RYR1: variants seen among roughly 807,000 people sequenced by gnomAD.
RYR1 encodes central core disease of muscle.
In RYR1, 342 loss-of-function variants were observed where a neutral mutation model predicts 583.5. The ratio of observed to expected loss-of-function variants is 0.59; its 90% CI spans 0.54 to 0.64. RYR1 has a LOEUF of 0.64. RYR1 is among the 30% of genes least tolerant of loss of function. The pLI is 0.00. For synonymous variants in RYR1, 2,791 were observed against 2,822.5 expected (o/e 0.99, Z 0.35); for missense variants, 6,032 against 6,917.2 (o/e 0.87, Z 4.54).
intron 81 of RYR1, 25 bp downstream of exon 81, chr19:38,535,417 G>A: frequency 6.3e-7 from 1 of 1,584,408 alleles, no homozygotes; most frequent in South Asian, 1.1e-5. Context: ...ACCTCTTCTT[G>A]TTAAGCTGTG....
At position 38,468,051 on chromosome 19, in the gene RYR1, TC is replaced by T. The variant is rs1211143995; in HGVS notation, c.3381+241del. Among the ~76,000 whole-genome samples, 14,325 of 55,874 alleles carry T rather than the reference TC, an allele frequency of 0.26. 777 individuals carry two copies. The highest frequency in any genetic ancestry group is 0.43 in the East Asian group (1,110 of 2,568). 36.7% of individuals were successfully genotyped at this position (55,874 alleles called of 152,430 possible). ...CATCCATCCATCCATCCATCCATCA[TC>T]CATCCATCCATCCATCCATCCATCC... is the stretch of plus-strand genomic sequence containing the variant. On this transcript the variant is annotated intron_variant, in intron 25 of 105. Coordinates refer to ENST00000359596, the MANE Select transcript of RYR1 (RefSeq NM_000540.3).
chr19:38,510,849 G>A, intron 60 of RYR1, 68 bp downstream of exon 60: 2 of 1,607,304 alleles, frequency 1.2e-6, no homozygotes, highest in East Asian at 4.5e-5. Context: ...GCCCATGGAG[G>A]CTCTGTCCTG....
At chr19:38,504,190 T>C (rs755959986) in intron 49 of RYR1, 30 bp from the exon 50 acceptor site, 1 of 1,596,154 alleles carries the variant, frequency 6.3e-7, no homozygotes, top group Non-Finnish European at 8.5e-7. Context: ...GCCCCCCTCA[T>C]TTGTGTGTCC....
intron 71 of RYR1, 183 bp from the exon 72 acceptor site, chr19:38,526,810 G>A (rs954121909): frequency 2.0e-5 from 12 of 610,676 alleles, no homozygotes; most frequent in East Asian, 1.8e-4. Flanking sequence ...GTGACCCTCC[G>A]GCCCCTCTAG....
At chr19:38,586,247 G>C (rs1380846668) in intron 104 of RYR1, 56 bp downstream of exon 104, 7 of 1,489,070 alleles carry the variant, frequency 4.7e-6, no homozygotes, top group Non-Finnish European at 5.6e-6. Flanking sequence ...CCAATAGCCA[G>C]CAGTGGGGTA....
chr19:38,531,654 C>T (rs1013368955), intron 76 of RYR1, among the ~76,000 whole-genome samples: 4 of 152,140 alleles, frequency 2.6e-5, no homozygotes, highest in East Asian at 3.9e-4. Context: ...ATGGGCCAGG[C>T]GCGGTGGCTC....
chr19:38,527,914 C>T (rs2145720946), intron 73 of RYR1, 130 bp downstream of exon 73: 2 of 1,064,446 alleles, frequency 1.9e-6, no homozygotes, highest in East Asian at 2.7e-5. Context: ...GGTGGAGCCT[C>T]GAGTTTAAGG....
chr19:38,500,536 G>A lies in RYR1; in HGVS notation c.7324-70G>A. The A allele has an allele frequency of 6.2e-7, 1 of 1,602,082 alleles. No individual in the cohort carries two copies. Among genetic ancestry groups the A allele is most frequent in the Non-Finnish European group, 8.5e-7 (1 of 1,172,550 alleles). Reference sequence around the variant, plus strand: ...TCTACCCTCCTGTGTGGTAAGGGAGGGAGCAGAGCAGTCACTGAGTGGGGC... The same window carrying A: ...TCTACCCTCCTGTGTGGTAAGGGAGAGAGCAGAGCAGTCACTGAGTGGGGC... On this transcript the variant is annotated intron_variant, in intron 45 of 105. Coordinates refer to ENST00000359596, the MANE Select transcript of RYR1 (RefSeq NM_000540.3). This position sits in a 1 kb window ranked among gnomAD's most constrained non-coding sequence, Gnocchi z 5.9.
chr19:38,458,231 C>T lies in RYR1; in HGVS notation c.2106C>T (p.Gly702=), dbSNP rs772295428. Residue 702 remains glycine (G), a synonymous_variant, in exon 18 of 106, where the codon GGC becomes GGT. Transcript: ENST00000359596. ...TPYPGAGEGW[G]GNGVGDDLYS... is the part of the protein sequence containing the mutation. ...ACCCTGGGGCCGGCGAGGGCTGGGG[C>T]GGCAACGGGGTCGGCGATGACCTCT... The T allele has an allele frequency of 1.2e-5, 20 of 1,613,850 alleles. No individual in the cohort carries two copies. The highest frequency in any genetic ancestry group is 2.7e-5 in the African/African-American group (2 of 74,904).
Position 38,494,481 on chromosome 19 carries a change from T to TGCGTGCCCTGCC in RYR1, c.6408_6419dup (p.Leu2138_Ala2141dup). The TGCGTGCCCTGCC allele has an allele frequency of 6.2e-7, 1 of 1,613,164 alleles. No individual in the cohort carries two copies. The highest frequency in any genetic ancestry group is 8.5e-7 in the Non-Finnish European group (1 of 1,180,024). ...CAGTACGACGGGCTGGGTGAGCTGC[T>TGCGTGCCCTGCC]GCGTGCCCTGCCGCGGGCGTACACC... On this transcript the variant is annotated inframe_insertion, in exon 39 of 106. Coordinates refer to ENST00000359596, the MANE Select transcript of RYR1 (RefSeq NM_000540.3).
In RYR1 at chr19:38,496,597, C is replaced by G; in HGVS notation, c.6796+56C>G. 1.9e-6 allele frequency: 3 copies of G among 1,603,040 alleles called. No individual in the cohort carries two copies. Among genetic ancestry groups the G allele is most frequent in the Non-Finnish European group, 2.6e-6 (3 of 1,172,108 alleles). ...CCAGAACCCACTCCTGGCACCCCGT[C>G]CAGGCCTGCCCCACTTTCCACCAGC... On this transcript the variant is annotated intron_variant, in intron 41 of 105. Coordinates refer to ENST00000359596, the MANE Select transcript of RYR1 (RefSeq NM_000540.3). The surrounding 1 kb of genome is among the most constrained non-coding windows in gnomAD (Gnocchi z 4.8).
In RYR1 at chr19:38,448,658, G is replaced by T. The variant is rs1272853992; in HGVS notation, c.967G>T (p.Asp323Tyr). 6.2e-7 allele frequency: 1 copy of T among 1,614,236 alleles called. No individual in the cohort carries two copies. Residue 323 changes from aspartate to tyrosine, a missense_variant, in exon 11 of 106, where the codon GAT becomes TAT. By Grantham distance (160) the Asp-to-Tyr change is radical (BLOSUM62 -3). Transcript: ENST00000359596. ...TCCCCTGCCCCTGTAGGAGAAGCTG[G>T]ATGTGGCCCCCAAGCGGGATGTGGA... is the stretch of plus-strand genomic sequence containing the variant. The part of the protein sequence containing the change: ...FCFRISKEKL[D>Y]VAPKRDVEGM...
In RYR1 at chr19:38,580,438, C is replaced by G. The variant is rs750150252; in HGVS notation, c.14580C>G (p.Phe4860Leu). ...ACACCGTGGTGGCCTTCAACTTCTT[C>G]CGCAAGTTCTACAACAAGAGCGAGG... Reference protein sequence around the residue: ...YLYTVVAFNFFRKFYNKSEDE... With the variant: ...YLYTVVAFNFLRKFYNKSEDE... Residue 4860 changes from phenylalanine to leucine, a missense_variant, in exon 101 of 106, where the codon TTC (phenylalanine) becomes TTG (leucine). By Grantham distance (22) the Phe-to-Leu change is conservative. Coordinates refer to ENST00000359596, the MANE Select transcript of RYR1 (RefSeq NM_000540.3). 1 of 1,614,030 alleles carries G rather than the reference C, an allele frequency of 6.2e-7. No individual in the cohort carries two copies. Among genetic ancestry groups the G allele is most frequent in the African/African-American group, 1.3e-5 (1 of 74,916 alleles).
intron 89 of RYR1, among the ~76,000 whole-genome samples, chr19:38,559,978 T>G (rs979887972): frequency 6.6e-6 from 1 of 150,618 alleles, no homozygotes; most frequent in Non-Finnish European, 1.5e-5. Flanking sequence ...GTTGAGTGAG[T>G]GCGGTCAAGA....
intron 9 of RYR1, among the ~76,000 whole-genome samples, chr19:38,447,852 A>C (rs1340945910): frequency 1.3e-5 from 2 of 151,770 alleles, no homozygotes; most frequent in Non-Finnish European, 2.9e-5. Flanking sequence ...AAAAAAAAAA[A>C]AAAAAACAAG....
At chr19:38,476,587 A>C (rs1968742695) in intron 29 of RYR1, among the ~76,000 whole-genome samples, 1 of 151,680 alleles carries the variant, frequency 6.6e-6, no homozygotes, top group East Asian at 1.9e-4. Context: ...ACTGCCTCAG[A>C]CTCCCAAAGT....
chr19:38,496,210 C>T lies in RYR1; in HGVS notation c.6549-5C>T, dbSNP rs1212509590. The T allele has an allele frequency of 1.2e-6, 2 of 1,612,622 alleles. No homozygotes were observed. The highest frequency in any genetic ancestry group is 1.7e-6 in the Non-Finnish European group (2 of 1,179,502). ...GGTGACCCCGCACACTCTGCCCGTG[C>T]ACAGGAACATCATGAACAACAAAGT... On this transcript the variant is annotated splice_polypyrimidine_tract_variant and splice_region_variant and intron_variant, in intron 39 of 105. Transcript: ENST00000359596. This position sits in a 1 kb window ranked among gnomAD's most constrained non-coding sequence, Gnocchi z 4.8.
chr19:38,527,841 G>T, intron 73 of RYR1, 57 bp downstream of exon 73: 1 of 1,604,254 alleles, frequency 6.2e-7, no homozygotes. Context: ...CTGGCGGGGG[G>T]AGGGGCTTCA....
Position 38,483,527 on chromosome 19 carries a change from G to T in RYR1, c.4934+11G>T. ...CCCCGAGGAGAACCGGTCAGGGCCA[G>T]CCCAGCTATGCAGGGGTGGGCAGGT... On this transcript the variant is annotated intron_variant, in intron 33 of 105. Transcript: ENST00000359596. The surrounding 1 kb of genome is among the most constrained non-coding windows in gnomAD (Gnocchi z 6.3). 2 of 1,539,044 alleles carry T rather than the reference G, an allele frequency of 1.3e-6. No homozygotes were observed. Among genetic ancestry groups the T allele is most frequent in the East Asian group, 2.4e-5 (1 of 41,220 alleles).
Sources: allele counts gnomAD v4.1 joint callset (sites outside exome capture counted in the v4.1 genomes callset), GRCh38; gene constraint gnomAD v4.1.1; non-coding constraint Gnocchi (gnomAD v3.1); transcripts MANE v1.5; gene names NCBI Gene and HGNC (gene_info 2026-07-23, HGNC 2026-07-21).